The following PTPRD variants were observed in gnomAD, a reference collection of about 807,000 sequenced individuals.
The protein encoded by PTPRD is protein tyrosine phosphatase receptor type D, also known as receptor-type tyrosine-protein phosphatase delta.
A neutral mutation model predicts 214.5 loss-of-function variants in PTPRD; 34 were observed. That is an observed-to-expected ratio of 0.16 (90% CI 0.12 to 0.21). PTPRD has a LOEUF of 0.21. Ranked by LOEUF, PTPRD falls within the 10% of genes least tolerant of loss-of-function variation. The probability of loss-of-function intolerance (pLI) is 1.00; values close to 1 mark genes in which losing one functional copy is unlikely to be tolerated. For missense variants in PTPRD, 2,545 were observed against 2,398.7 expected, an observed-to-expected ratio of 1.06 and a Z score of -1.27; for synonymous variants, 1,128 against 845.7, an observed-to-expected ratio of 1.33 and a Z score of -5.79.
At chr9:8,740,911 G>A (rs138508372) in intron 11 of PTPRD, among the ~76,000 whole-genome samples, 7 of 152,130 alleles carry the variant, frequency 4.6e-5, no homozygotes, top group South Asian at 2.1e-4. Context: ...AAGAATACCC[G>A]AAGAGTAAAA....
At chr9:9,400,683 T>G (rs1007234819) in intron 8 of PTPRD, among the ~76,000 whole-genome samples, 4 of 152,174 alleles carry the variant, frequency 2.6e-5, no homozygotes, top group Admixed American at 2.6e-4. Context: ...AACTATTGAT[T>G]GAGAGAAGAA....
At chr9:9,150,711 C>A (rs2099876041) in intron 10 of PTPRD, among the ~76,000 whole-genome samples, 1 of 151,892 alleles carries the variant, frequency 6.6e-6, no homozygotes, top group Non-Finnish European at 1.5e-5. Flanking sequence ...TGACCTCAGG[C>A]CATCCACCTG....
intron 11 of PTPRD, among the ~76,000 whole-genome samples, chr9:8,750,863 G>C (rs925523611): frequency 1.3e-5 from 2 of 152,190 alleles, no homozygotes; most frequent in African/African-American, 4.8e-5. Flanking sequence ...ATGCTATGGA[G>C]TGACACGGTC....
At chr9:9,957,016 G>C (rs969047248) in intron 4 of PTPRD, among the ~76,000 whole-genome samples, 2 of 152,144 alleles carry the variant, frequency 1.3e-5, no homozygotes, top group Admixed American at 6.5e-5. Context: ...TTGGGCTCAA[G>C]TTAAGTTGAA....
At chr9:10,083,951 G>T (rs779185796) in intron 3 of PTPRD, among the ~76,000 whole-genome samples, 3 of 151,862 alleles carry the variant, frequency 2.0e-5, no homozygotes, top group Non-Finnish European at 4.4e-5. Context: ...ACTGGAGTTG[G>T]GGACACCTGA....
intron 2 of PTPRD, among the ~76,000 whole-genome samples, chr9:10,409,457 C>A (rs2098411783): frequency 6.6e-6 from 1 of 151,682 alleles, no homozygotes; most frequent in Admixed American, 6.6e-5. Context: ...GTCAAAAATA[C>A]ATCCATAAAT....
At chr9:8,648,830 A>G (rs1277424272) in intron 12 of PTPRD, among the ~76,000 whole-genome samples, 1 of 152,202 alleles carries the variant, frequency 6.6e-6, no homozygotes, top group Non-Finnish European at 1.5e-5. Flanking sequence ...AACCTCTACC[A>G]ATGCTTTAGC....
At chr9:8,476,699 G>C (rs546492609) in intron 30 of PTPRD, among the ~76,000 whole-genome samples, 16 of 152,020 alleles carry the variant, frequency 1.1e-4, no homozygotes, top group Non-Finnish European at 2.1e-4. Flanking sequence ...TACTAAAGCA[G>C]ACATACATAT....
At chr9:10,015,515 A>G (rs962506068) in intron 4 of PTPRD, among the ~76,000 whole-genome samples, 3 of 152,176 alleles carry the variant, frequency 2.0e-5, no homozygotes, top group Non-Finnish European at 4.4e-5. Context: ...GAGGCTGTAT[A>G]GGACATAGTA....
intron 9 of PTPRD, among the ~76,000 whole-genome samples, chr9:9,281,323 T>C (rs896874830): frequency 6.0e-5 from 9 of 151,154 alleles, no homozygotes; most frequent in African/African-American, 1.7e-4. Context: ...AGCCACAAAC[T>C]GGGAGAAAAC....
chr9:9,249,976 TC>T (rs2099974795), intron 9 of PTPRD, among the ~76,000 whole-genome samples: 1 of 152,070 alleles, frequency 6.6e-6, no homozygotes, highest in South Asian at 2.1e-4. Context: ...TTTTAAAAAA[TC>T]CCTGTAAATG....
intron 3 of PTPRD, among the ~76,000 whole-genome samples, chr9:10,104,702 T>C (rs2098606264): frequency 6.6e-6 from 1 of 151,928 alleles, no homozygotes; most frequent in African/African-American, 2.4e-5. Flanking sequence ...TTTGTGGATT[T>C]ATCTGAAAAT....
chr9:10,073,692 G>A (rs1232196163), intron 3 of PTPRD, among the ~76,000 whole-genome samples: 1 of 152,006 alleles, frequency 6.6e-6, no homozygotes, highest in African/African-American at 2.4e-5. Flanking sequence ...TCATCAGCAT[G>A]CATTGGACAA....
chr9:8,982,541 TAA>T (rs542313216), intron 11 of PTPRD, among the ~76,000 whole-genome samples: 2 of 128,456 alleles, frequency 1.6e-5, no homozygotes, highest in African/African-American at 2.9e-5. Context: ...GAATCTTACT[TAA>T]AAAAAAAAAA....
intron 8 of PTPRD, among the ~76,000 whole-genome samples, chr9:9,562,130 C>T (rs2083129764): frequency 6.6e-6 from 1 of 152,118 alleles, no homozygotes; most frequent in South Asian, 2.1e-4. Flanking sequence ...TCCTCACACT[C>T]ATATTCTTTA....
chr9:9,150,421 A>G (rs1256446111), intron 10 of PTPRD, among the ~76,000 whole-genome samples: 1 of 147,922 alleles, frequency 6.8e-6, no homozygotes, highest in East Asian at 1.9e-4. Flanking sequence ...ATATAAAAAT[A>G]CATAATATAT....
intron 10 of PTPRD, among the ~76,000 whole-genome samples, chr9:9,050,188 A>G (rs1311531838): frequency 3.3e-5 from 5 of 152,250 alleles, no homozygotes; most frequent in African/African-American, 4.8e-5. Context: ...GACAAAATAC[A>G]TTAGAATACT....
At chr9:8,579,894 G>A (rs1371148318) in intron 14 of PTPRD, among the ~76,000 whole-genome samples, 1 of 152,146 alleles carries the variant, frequency 6.6e-6, no homozygotes, top group Non-Finnish European at 1.5e-5. Context: ...CTGGTGACCA[G>A]GCTAAACAGT....
chr9:8,800,904 G>T (rs188439320), intron 11 of PTPRD, among the ~76,000 whole-genome samples: 1 of 152,230 alleles, frequency 6.6e-6, no homozygotes, highest in Admixed American at 6.5e-5. Flanking sequence ...GGTAAAAATT[G>T]TATGAATGAT....
Sources: allele counts gnomAD v4.1 joint callset (sites outside exome capture counted in the v4.1 genomes callset), GRCh38; gene constraint gnomAD v4.1.1; transcripts MANE v1.5; gene names NCBI Gene and HGNC (gene_info 2026-07-23, HGNC 2026-07-21).